Variants in RHPN1 observed in about 807,000 individuals in gnomAD.
RHPN1 encodes rhophilin Rho GTPase binding protein 1.
RHPN1 carries 77 observed loss-of-function variants against 74.7 expected under a neutral mutation model. The ratio of observed to expected loss-of-function variants is 1.03; its 90% CI spans 0.86 to 1.25. The LOEUF (loss-of-function observed/expected upper bound fraction) is 1.25, where lower values mean the gene tolerates loss of function less well. Among genes scored for constraint, RHPN1 ranks in the 50% most tolerant of loss-of-function variants. RHPN1 has a pLI of 0.00. For missense variants in RHPN1, 987 were observed against 932.2 expected, an observed-to-expected ratio of 1.06 and a Z score of -0.77; for synonymous variants, 444 against 414.5, an observed-to-expected ratio of 1.07 and a Z score of -0.87.
At chr8:143,370,862 G>C (rs897423171) in intron 1 of RHPN1, among the ~76,000 whole-genome samples, 18 of 152,236 alleles carry the variant, frequency 1.2e-4, no homozygotes, top group Non-Finnish European at 2.4e-4. Flanking sequence ...AAGGTTCTGT[G>C]GTTTCCTGGG....
upstream of RHPN1, chr8:143,368,043 C>T (rs1817599048): frequency 6.5e-6 from 1 of 153,320 alleles, no homozygotes; most frequent in African/African-American, 2.4e-5. Context: ...AAAGTAGGTT[C>T]TGAAAATAGG....
intron 3 of RHPN1, among the ~76,000 whole-genome samples, chr8:143,376,949 C>T (rs532580962): frequency 8.8e-5 from 13 of 147,416 alleles, no homozygotes; most frequent in East Asian, 2.0e-4. Context: ...CATCTCTGTG[C>T]GTGTGTCTGT....
upstream of RHPN1, chr8:143,368,446 G>C (rs1241962981): frequency 1.3e-5 from 2 of 152,564 alleles, no homozygotes; most frequent in African/African-American, 4.8e-5. Flanking sequence ...TCCCGTTGCC[G>C]GGGTGACAGG....
At position 143,378,230 on chromosome 8, in the gene RHPN1, A is replaced by G. The variant is rs1043916270; in HGVS notation, c.382-39A>G. On this transcript the variant is annotated intron_variant, in intron 4 of 14. Transcript: ENST00000289013. ...GAGACCTCAGGGAAGGAGGCCAGGC[A>G]CAGGGGTACTGTGGATGCCAACACC... 7.2e-6 allele frequency: 11 copies of G among 1,519,522 alleles called. No individual in the cohort carries two copies. In the African/African-American group the frequency reaches 1.5e-4, roughly 21 times the overall value. 94.1% of individuals were successfully genotyped at this position (1,519,522 alleles called of 1,614,324 possible).
At chr8:143,380,996 C>T (rs1385746952) in intron 11 of RHPN1, among the ~76,000 whole-genome samples, 1 of 152,252 alleles carries the variant, frequency 6.6e-6, no homozygotes, top group Non-Finnish European at 1.5e-5. Context: ...ACCTCCCTCC[C>T]TGCACTGGCC....
chr8:143,370,440 GA>G (rs1321636919), intron 1 of RHPN1, among the ~76,000 whole-genome samples: 1 of 152,232 alleles, frequency 6.6e-6, no homozygotes, highest in Non-Finnish European at 1.5e-5. Context: ...GGGCTAGAGT[GA>G]GGCCTGTTCC....
chr8:143,381,432 G>T, intron 12 of RHPN1, 88 bp downstream of exon 12: 1 of 1,460,638 alleles, frequency 6.8e-7, no homozygotes, highest in Non-Finnish European at 9.3e-7. Context: ...ACAGGCCATT[G>T]ATGGTGGTCC....
chr8:143,366,435 G>A (rs542186875), upstream of RHPN1, among the ~76,000 whole-genome samples: 1 of 152,118 alleles, frequency 6.6e-6, no homozygotes, highest in African/African-American at 2.4e-5. Context: ...TTTGAGTGCA[G>A]TGATACATTC....
chr8:143,372,798 C>T (rs1050057285), intron 1 of RHPN1, among the ~76,000 whole-genome samples: 7 of 97,068 alleles, frequency 7.2e-5, no homozygotes, highest in African/African-American at 2.7e-4. Flanking sequence ...TGGGGGATGG[C>T]GTGGGTGTCC....
Position 143,376,506 on chromosome 8 carries a change from C to A in RHPN1, c.177-19C>A. The stretch of plus-strand genomic sequence containing the variant: ...CTCTGCCTTGGGGCTGGGCTTTCAA[C>A]TGCCGCGGCCTCCCTCAGAGCCACC... On this transcript the variant is annotated intron_variant, in intron 2 of 14. Transcript: ENST00000289013. 1 of 1,610,972 alleles carries A rather than the reference C, an allele frequency of 6.2e-7. No homozygotes were observed. Among genetic ancestry groups the A allele is most frequent in the East Asian group, 2.2e-5 (1 of 44,836 alleles).
chr8:143,371,882 C>T (rs978352901), intron 1 of RHPN1, among the ~76,000 whole-genome samples: 2 of 152,228 alleles, frequency 1.3e-5, no homozygotes, highest in African/African-American at 4.8e-5. Flanking sequence ...TGTGTCTATG[C>T]CCCTTCCACT....
chr8:143,369,161 G>A (rs1416805746), intron 1 of RHPN1, 114 bp downstream of exon 1: 7 of 774,010 alleles, frequency 9.0e-6, no homozygotes, highest in Non-Finnish European at 1.3e-5. Context: ...CGGCCCGGAC[G>A]CAGGCAGGGA....
chr8:143,377,487 C>A (rs767581681), intron 4 of RHPN1, 32 bp downstream of exon 4: 1 of 1,534,858 alleles, frequency 6.5e-7, no homozygotes, highest in Non-Finnish European at 9.0e-7. Flanking sequence ...CTGAGATACA[C>A]GGCCCTGCCC....
chr8:143,368,979 G>A lies in RHPN1; in HGVS notation c.-9G>A. The A allele has an allele frequency of 6.8e-7, 1 of 1,476,282 alleles. No individual in the cohort carries two copies. Among genetic ancestry groups the A allele is most frequent in the Non-Finnish European group, 8.9e-7 (1 of 1,121,404 alleles). 91.4% of individuals were successfully genotyped at this position (1,476,282 alleles called of 1,614,324 possible). On this transcript the variant is annotated 5_prime_UTR_variant, in exon 1 of 15. Coordinates refer to ENST00000289013, the MANE Select transcript of RHPN1 (RefSeq NM_052924.3). ...ACCCCGAGGGACCCCCAGCGCAGCGGGTGCGGCGATGATCCTGGAGGAGAG... is the reference window on the plus strand; with the variant it reads ...ACCCCGAGGGACCCCCAGCGCAGCGAGTGCGGCGATGATCCTGGAGGAGAG...
rs1035919993 is a variant in RHPN1, at chr8:143,376,965, C to T, written c.305+312C>T. Among the ~76,000 whole-genome samples, 12 of 148,244 alleles carry T rather than the reference C, an allele frequency of 8.1e-5. No individual in the cohort carries two copies. The East Asian group carries it at 1.6e-3, about 20-fold the overall frequency. On this transcript the variant is annotated intron_variant, in intron 3 of 14. Coordinates refer to ENST00000289013, the MANE Select transcript of RHPN1 (RefSeq NM_052924.3). ...ATCTCTGTGCGTGTGTCTGTGTGCACGTGTCTGCGTGCGTGTGCATGTCTG... is the reference window on the plus strand; with the variant it reads ...ATCTCTGTGCGTGTGTCTGTGTGCATGTGTCTGCGTGCGTGTGCATGTCTG...
intron 8 of RHPN1, 154 bp from the exon 9 acceptor site, chr8:143,379,675 C>G (rs1014036529): frequency 2.0e-6 from 2 of 985,282 alleles, no homozygotes; most frequent in African/African-American, 3.5e-5. Flanking sequence ...GGGACCCGAG[C>G]CTCTGCCTCC....
At chr8:143,377,301 A>C in intron 3 of RHPN1, 79 bp from the exon 4 acceptor site, 2 of 1,126,506 alleles carry the variant, frequency 1.8e-6, no homozygotes, top group South Asian at 2.6e-5. Flanking sequence ...TGTGCCACAG[A>C]GCCCTAGGAG....
At chr8:143,376,725 G>GCA in intron 3 of RHPN1, 72 bp downstream of exon 3, 29 of 1,486,062 alleles carry the variant, frequency 2.0e-5, no homozygotes, top group Non-Finnish European at 2.5e-5. Flanking sequence ...GCATGTGTGT[G>GCA]CACGCATGTG....
In RHPN1 at chr8:143,372,648, G is replaced by A. The variant is rs74826113; in HGVS notation, c.61-2905G>A. 8.4e-3 allele frequency among the ~76,000 whole-genome samples: 1,280 copies of A among 151,758 alleles called. 18 individuals carry two copies. Among genetic ancestry groups the A allele is most frequent in the African/African-American group, 0.029 (1,198 of 41,334 alleles). ...GTGTCCCTCCCTCCGGCCCCTAAGC[G>A]CCAACTCATCTTCAGTTCAGGGACC... On this transcript the variant is annotated intron_variant, in intron 1 of 14. Transcript: ENST00000289013.
Sources: gnomAD v4.1 joint callset for allele counts (sites outside exome capture counted in the v4.1 genomes callset) on GRCh38, gnomAD v4.1.1 for gene constraint, MANE v1.5 for transcripts, NCBI Gene and HGNC (gene_info 2026-07-23, HGNC 2026-07-21) for gene names.